ALG9: variants seen among roughly 807,000 people sequenced by gnomAD.
ALG9 encodes alpha-1,2-mannosyltransferase ALG9.
Under a neutral mutation model 81.8 loss-of-function variants are expected in ALG9, and 55 were observed. The observed-to-expected ratio is 0.67, with a 90% CI of 0.54 to 0.84. The LOEUF (loss-of-function observed/expected upper bound fraction) is 0.84. ALG9 is among the 40% of genes least tolerant of loss of function. The probability of loss-of-function intolerance (pLI) is 0.00; values close to 1 mark genes in which losing one functional copy is unlikely to be tolerated. For synonymous variants in ALG9, 278 were observed against 274.3 expected, an observed-to-expected ratio of 1.01 and a Z score of -0.13; for missense variants, 629 against 745.0, an observed-to-expected ratio of 0.84 and a Z score of 1.81.
At chr11:111,832,206 T>C (rs1219947596) in intron 13 of ALG9, among the ~76,000 whole-genome samples, 4 of 152,224 alleles carry the variant, frequency 2.6e-5, no homozygotes, top group Non-Finnish European at 5.9e-5. Context: ...AACAGCCACA[T>C]TTATTGTAGT....
In ALG9 at chr11:111,844,815, C is replaced by CTGA; in HGVS notation, c.896-95_896-93dup. On this transcript the variant is annotated intron_variant, in intron 8 of 14. Coordinates refer to ENST00000616540, the MANE Select transcript of ALG9 (RefSeq NM_024740.2). Reference sequence around the variant, plus strand: ...TATAATGTTCTTTGTTGGAATAACACTGATGATCCTATGCCTCATGGGAAT... The same window carrying CTGA: ...TATAATGTTCTTTGTTGGAATAACACTGATGATGATCCTATGCCTCATGGGAAT... 3 of 1,382,466 alleles carry CTGA rather than the reference C, an allele frequency of 2.2e-6. No individual in the cohort carries two copies. In the South Asian group the frequency reaches 3.5e-5, roughly 16 times the overall value. The allele number at this position is 1,382,466 out of a possible 1,614,324, so 85.6% of individuals were successfully genotyped here.
chr11:111,854,487 T>G (rs1161922179), intron 6 of ALG9, among the ~76,000 whole-genome samples: 1 of 152,034 alleles, frequency 6.6e-6, no homozygotes, highest in Non-Finnish European at 1.5e-5. Context: ...GCCAGGCTGG[T>G]CTCAAACTCC....
chr11:111,866,848 C>T (rs1426958715), intron 3 of ALG9, among the ~76,000 whole-genome samples: 1 of 151,166 alleles, frequency 6.6e-6, no homozygotes, highest in African/African-American at 2.4e-5. Flanking sequence ...AATCCCAGCA[C>T]TTTGGAGGCC....
chr11:111,837,500 A>G lies in ALG9; in HGVS notation c.1440T>C (p.Tyr480=). ...PVNVCVGKEW[Y]RFPSSFLLPD... is the part of the protein sequence containing the mutation. ...GAAGAAGGAAGCTGCTGGGAAATCGATACCACTCTTTTCCCACACAGACAT... is the reference window on the plus strand; with the variant it reads ...GAAGAAGGAAGCTGCTGGGAAATCGGTACCACTCTTTTCCCACACAGACAT... Residue 480 remains tyrosine (Y), a synonymous_variant, in exon 12 of 15, where the codon TAT becomes TAC. Coordinates refer to ENST00000616540, the MANE Select transcript of ALG9 (RefSeq NM_024740.2). 1 of 1,614,184 alleles carries G rather than the reference A, an allele frequency of 6.2e-7. No homozygotes were observed. Among genetic ancestry groups the G allele is most frequent in the Non-Finnish European group, 8.5e-7 (1 of 1,180,026 alleles).
chr11:111,845,499 G>T (rs1555128782), intron 8 of ALG9: 4 of 152,128 alleles, frequency 2.6e-5, no homozygotes, highest in African/African-American at 9.7e-5. Flanking sequence ...AGAGGCCCAG[G>T]CCTTGCTGAG....
chr11:111,819,927 T>A (rs1257771953), intron 13 of ALG9, among the ~76,000 whole-genome samples: 1 of 152,242 alleles, frequency 6.6e-6, no homozygotes, highest in East Asian at 1.9e-4. Flanking sequence ...GCTGGACAAC[T>A]TCCAACACCA....
intron 3 of ALG9, 82 bp downstream of exon 3, chr11:111,868,520 T>G: frequency 6.6e-7 from 1 of 1,504,562 alleles, no homozygotes; most frequent in Admixed American, 2.1e-5. Flanking sequence ...AACTTCCAAT[T>G]CATTTTGTCC....
chr11:111,811,326 T>A (rs1950674208), intron 13 of ALG9, among the ~76,000 whole-genome samples: 1 of 152,126 alleles, frequency 6.6e-6, no homozygotes, highest in Non-Finnish European at 1.5e-5. Flanking sequence ...ACAGATCACC[T>A]GAGGTCAGGA....
chr11:111,852,845 G>A (rs782514858), intron 8 of ALG9, among the ~76,000 whole-genome samples: 1 of 151,578 alleles, frequency 6.6e-6, no homozygotes, highest in Non-Finnish European at 1.5e-5. Context: ...GGGAGGCTGA[G>A]GCAGGAGAAT....
chr11:111,777,909 T>C (rs782633834), downstream of ALG9, among the ~76,000 whole-genome samples: 4 of 152,194 alleles, frequency 2.6e-5, no homozygotes, highest in Non-Finnish European at 5.9e-5. Context: ...TTTCACGTCA[T>C]TTCTCCCCAA....
intron 9 of ALG9, among the ~76,000 whole-genome samples, chr11:111,843,710 C>T (rs985423428): frequency 6.6e-6 from 1 of 152,134 alleles, no homozygotes; most frequent in East Asian, 1.9e-4. Context: ...TCCAGAGCCA[C>T]GACAACTTGA....
At chr11:111,829,075 A>G (rs926193944) in intron 13 of ALG9, 2 of 152,200 alleles carry the variant, frequency 1.3e-5, no homozygotes, top group South Asian at 4.1e-4. Flanking sequence ...CAGAGAGAAT[A>G]AATTTATTCT....
intron 8 of ALG9, among the ~76,000 whole-genome samples, chr11:111,847,921 T>C (rs996861000): frequency 6.6e-6 from 1 of 152,190 alleles, no homozygotes; most frequent in African/African-American, 2.4e-5. Context: ...ATTCTATAGA[T>C]TGGATCCTAT....
intron 8 of ALG9, among the ~76,000 whole-genome samples, chr11:111,851,545 T>C (rs1430342128): frequency 6.6e-6 from 1 of 151,886 alleles, no homozygotes; most frequent in African/African-American, 2.4e-5. Context: ...ATCTGTCACT[T>C]TCATAAGTCT....
chr11:111,768,243 G>A, the ALG9 span, among the ~76,000 whole-genome samples: 1 of 152,134 alleles, frequency 6.6e-6, no homozygotes, highest in Admixed American at 6.5e-5. Context: ...AGCTATAGCA[G>A]GCAACACCAT....
intron 14 of ALG9, among the ~76,000 whole-genome samples, chr11:111,800,214 C>T (rs1948895817): frequency 6.6e-6 from 1 of 152,140 alleles, no homozygotes; most frequent in African/African-American, 2.4e-5. Context: ...GGTGTGGTGG[C>T]TCACACCTGT....
chr11:111,822,401 T>C (rs1555104831), intron 13 of ALG9, among the ~76,000 whole-genome samples: 2 of 65,618 alleles, frequency 3.0e-5, no homozygotes, highest in Admixed American at 2.5e-4. Flanking sequence ...AAAGCACAAC[T>C]CAGTCTCAAA....
intron 13 of ALG9, among the ~76,000 whole-genome samples, chr11:111,812,495 A>T (rs1555092451): frequency 6.6e-6 from 1 of 152,188 alleles, no homozygotes; most frequent in Non-Finnish European, 1.5e-5. Context: ...TGAGCCCAGG[A>T]GGTCAAGACA....
At chr11:111,772,698 A>C in the ALG9 span, among the ~76,000 whole-genome samples, 2 of 152,240 alleles carry the variant, frequency 1.3e-5, no homozygotes, top group Non-Finnish European at 2.9e-5. Context: ...AATACTATCC[A>C]TTAACAGTTT....
Sources: allele counts gnomAD v4.1 joint callset (sites outside exome capture counted in the v4.1 genomes callset), GRCh38; gene constraint gnomAD v4.1.1; transcripts MANE v1.5; gene names NCBI Gene and HGNC (gene_info 2026-07-23, HGNC 2026-07-21).